ZSWIM2: variants seen among roughly 807,000 people sequenced by gnomAD.
The protein encoded by ZSWIM2 is E3 ubiquitin-protein ligase ZSWIM2.
Under a neutral mutation model 48.4 loss-of-function variants are expected in ZSWIM2, and 38 were observed. The ratio of observed to expected loss-of-function variants is 0.79; its 90% CI spans 0.61 to 1.03. The LOEUF is 1.03. Ranked by LOEUF, ZSWIM2 falls within the 50% of genes least tolerant of loss-of-function variation. The pLI is 0.00. For missense variants in ZSWIM2, 776 were observed against 730.2 expected (o/e 1.06, Z -0.72); for synonymous variants, 240 against 251.3 (o/e 0.96, Z 0.42).
chr2:186,828,812 A>G (rs972981929), intron 8 of ZSWIM2, 22 bp from the exon 9 acceptor site: 5 of 1,422,664 alleles, frequency 3.5e-6, no homozygotes, highest in Non-Finnish European at 4.7e-6. Flanking sequence ...AGGTAAGCTA[A>G]TCAGAACTAT....
chr2:186,843,485 T>C (rs1691944656), intron 3 of ZSWIM2, among the ~76,000 whole-genome samples: 1 of 150,966 alleles, frequency 6.6e-6, no homozygotes, highest in African/African-American at 2.4e-5. Flanking sequence ...TAAGAATGAG[T>C]ATGGAGAAAT....
chr2:186,838,953 C>A lies in ZSWIM2; in HGVS notation c.494+6G>T, dbSNP rs962057061. On this transcript the variant is annotated splice_donor_region_variant and intron_variant, in intron 4 of 8. Coordinates refer to ENST00000295131, the MANE Select transcript of ZSWIM2 (RefSeq NM_182521.3). ...GTTTTAAGAATCTAAAGAAAAAGTA[C>A]ATCACCTGCAAAAGGTGACAGGAAG... is the stretch of plus-strand genomic sequence containing the variant. The A allele has an allele frequency of 1.2e-6, 2 of 1,601,484 alleles. No homozygotes were observed. The highest frequency in any genetic ancestry group is 1.7e-6 in the Non-Finnish European group (2 of 1,173,454).
At chr2:186,843,142 A>G (rs560890537) in intron 3 of ZSWIM2, among the ~76,000 whole-genome samples, 1 of 151,770 alleles carries the variant, frequency 6.6e-6, no homozygotes, top group East Asian at 1.9e-4. Context: ...CTAGAAAATT[A>G]CATATGTATG....
chr2:186,830,516 A>C (rs1362571028), intron 7 of ZSWIM2, among the ~76,000 whole-genome samples: 1 of 152,172 alleles, frequency 6.6e-6, no homozygotes, highest in Non-Finnish European at 1.5e-5. Flanking sequence ...TGAGCCAACA[A>C]TTAGGCAAGT....
chr2:186,836,744 T>C (rs542009308), intron 5 of ZSWIM2, among the ~76,000 whole-genome samples: 3 of 152,144 alleles, frequency 2.0e-5, no homozygotes, highest in Non-Finnish European at 4.4e-5. Flanking sequence ...TGGGAAAGTT[T>C]GGGGGTTACT....
intron 5 of ZSWIM2, 143 bp from the exon 6 acceptor site, chr2:186,834,173 C>A: frequency 1.7e-6 from 1 of 604,696 alleles, no homozygotes; most frequent in East Asian, 2.8e-5. Flanking sequence ...GTATTAGTTT[C>A]CTGTTGCTGC....
intron 3 of ZSWIM2, among the ~76,000 whole-genome samples, chr2:186,841,930 T>C (rs1412479858): frequency 6.6e-6 from 1 of 151,350 alleles, no homozygotes; most frequent in Non-Finnish European, 1.5e-5. Context: ...TCACTAGTTA[T>C]TGTATTTAAA....
chr2:186,846,810 C>CACATATATATATATATAT (rs1265650832), intron 2 of ZSWIM2, among the ~76,000 whole-genome samples: 7 of 143,694 alleles, frequency 4.9e-5, no homozygotes, highest in South Asian at 2.1e-4. Context: ...CACACACACA[C>CACATATATATATATATAT]ATATATATAT....
At chr2:186,843,029 A>G (rs1691933196) in intron 3 of ZSWIM2, among the ~76,000 whole-genome samples, 1 of 151,674 alleles carries the variant, frequency 6.6e-6, no homozygotes, top group Non-Finnish European at 1.5e-5. Context: ...TAACTTTTAT[A>G]TTGATTACAC....
chr2:186,832,291 G>T (rs1362436357), intron 7 of ZSWIM2, among the ~76,000 whole-genome samples: 9 of 146,346 alleles, frequency 6.1e-5, no homozygotes, highest in African/African-American at 1.0e-4. Flanking sequence ...ATTTTTTTTT[G>T]TTTTTTTTTT....
At position 186,848,985 on chromosome 2, in the gene ZSWIM2, G is replaced by C; in HGVS notation, c.146C>G (p.Pro49Arg). 2 of 1,614,070 alleles carry C rather than the reference G, an allele frequency of 1.2e-6. No individual in the cohort carries two copies. The highest frequency in any genetic ancestry group is 8.5e-7 in the Non-Finnish European group (1 of 1,179,998). The change falls in exon 1 of 9, where the codon CCG becomes CGG. Residue 49 changes from proline to arginine, a missense_variant. By Grantham distance (103) the Pro-to-Arg change is moderately radical. Coordinates refer to ENST00000295131, the MANE Select transcript of ZSWIM2 (RefSeq NM_182521.3). Reference protein sequence around the residue: ...PTGFLLREEEPEYMDFRVFLG... With the variant: ...PTGFLLREEEREYMDFRVFLG... ...AGTTACTCGGAAATCCATGTATTCC[G>C]GCTCCTCCTCCCTCAGCAGGAAGCC...
At chr2:186,829,608 A>G in intron 8 of ZSWIM2, 119 bp downstream of exon 8, 1 of 937,828 alleles carries the variant, frequency 1.1e-6, no homozygotes, top group Non-Finnish European at 1.6e-6. Context: ...TGTGCTGTGC[A>G]ATGTGAACAC....
chr2:186,843,011 A>G (rs956374073), intron 3 of ZSWIM2, among the ~76,000 whole-genome samples: 1 of 151,588 alleles, frequency 6.6e-6, no homozygotes, highest in South Asian at 2.1e-4. Flanking sequence ...AAAAAGTAAA[A>G]TAGTTCATAA....
chr2:186,849,101 T>G lies in ZSWIM2; in HGVS notation c.30A>C (p.Glu10Asp). 1.2e-6 allele frequency: 2 copies of G among 1,613,744 alleles called. No homozygotes were observed. The highest frequency in any genetic ancestry group is 2.2e-5 in the South Asian group (2 of 91,048). The stretch of plus-strand genomic sequence containing the variant: ...GCCTCTCGCTCAAGTGTCTTCGCCT[T>G]TCAGAGGCCTTATAGCCTCGGCGAA... MLRRGYKAS[E>D]RRRHLSERLS... The change falls in exon 1 of 9, where the codon GAA becomes GAC. Residue 10 changes from glutamate (E) to aspartate (D), a missense_variant. Glu to Asp is a conservative substitution (Grantham distance 45). Coordinates refer to ENST00000295131, the MANE Select transcript of ZSWIM2 (RefSeq NM_182521.3).
chr2:186,837,471 T>G lies in ZSWIM2; in HGVS notation c.578A>C (p.Lys193Thr). 1.2e-6 allele frequency: 2 copies of G among 1,612,696 alleles called. No homozygotes were observed. The highest frequency in any genetic ancestry group is 1.7e-6 in the Non-Finnish European group (2 of 1,179,194). ...AAACTCTTTCCTGCACAGAGGACATTTCAACATGGAAGTGTTTGATGTACT... is the reference window on the plus strand; with the variant it reads ...AAACTCTTTCCTGCACAGAGGACATGTCAACATGGAAGTGTTTGATGTACT... ...YQSTSNTSML[K>T]CPLCRKEFAP... The change falls in exon 5 of 9, where the codon AAA (lysine) becomes ACA (threonine). Residue 193 changes from lysine to threonine, a missense_variant. Physicochemically the swap from Lys to Thr is moderately conservative, Grantham distance 78. Transcript: ENST00000295131.
At chr2:186,833,862 T>C (rs562661078) in intron 6 of ZSWIM2, 84 bp downstream of exon 6, 25 of 1,093,928 alleles carry the variant, frequency 2.3e-5, no homozygotes, top group Non-Finnish European at 3.2e-5. Context: ...CACAGTGTTA[T>C]GTATTCTTCT....
intron 7 of ZSWIM2, among the ~76,000 whole-genome samples, chr2:186,830,351 C>G (rs1349702606): frequency 6.6e-6 from 1 of 152,174 alleles, no homozygotes; most frequent in Non-Finnish European, 1.5e-5. Flanking sequence ...CACTGTACTT[C>G]AGCCTGGACA....
intron 5 of ZSWIM2, among the ~76,000 whole-genome samples, chr2:186,836,637 T>C (rs924930258): frequency 1.3e-5 from 2 of 152,118 alleles, no homozygotes; most frequent in African/African-American, 4.8e-5. Context: ...ATTGAAATAA[T>C]GTTTTCTTCT....
intron 3 of ZSWIM2, 91 bp downstream of exon 3, chr2:186,844,626 A>G (rs1691962850): frequency 3.8e-6 from 5 of 1,309,540 alleles, no homozygotes; most frequent in Non-Finnish European, 5.2e-6. Context: ...ATCTAAATTT[A>G]GAAAATGTTA....
Sources: allele counts gnomAD v4.1 joint callset (sites outside exome capture counted in the v4.1 genomes callset), GRCh38; gene constraint gnomAD v4.1.1; transcripts MANE v1.5; gene names NCBI Gene and HGNC (gene_info 2026-07-23, HGNC 2026-07-21).